The following NR5A2 variants were observed in gnomAD, a reference collection of about 807,000 sequenced individuals.
NR5A2 encodes the protein CYP7A promoter-binding factor.
NR5A2 carries 26 observed loss-of-function variants against 62.7 expected under a neutral mutation model. The ratio of observed to expected loss-of-function variants is 0.41; its 90% CI spans 0.30 to 0.58. NR5A2 has a LOEUF of 0.58. NR5A2 is among the 20% of genes least tolerant of loss of function. The pLI is 0.22. For missense variants in NR5A2, 541 were observed against 669.1 expected, an observed-to-expected ratio of 0.81 and a Z score of 2.11; for synonymous variants, 246 against 241.7, an observed-to-expected ratio of 1.02 and a Z score of -0.16.
At chr1:200,172,108 C>T (rs1043039691) in intron 7 of NR5A2, among the ~76,000 whole-genome samples, 1 of 152,030 alleles carries the variant, frequency 6.6e-6, no homozygotes, top group Non-Finnish European at 1.5e-5. Context: ...TTCACTGTAG[C>T]GTAAAATAAT....
At chr1:200,132,045 T>C (rs1295604092) in intron 7 of NR5A2, among the ~76,000 whole-genome samples, 2 of 152,150 alleles carry the variant, frequency 1.3e-5, no homozygotes, top group South Asian at 2.1e-4. Context: ...ATGGAGTCTC[T>C]CTCTCTCCAG....
At position 200,147,817 on chromosome 1, in the gene NR5A2, A is replaced by G; in HGVS notation, c.1379-26146A>G. The G allele has an allele frequency of 2.1e-6, 1 of 482,468 alleles. No individual in the cohort carries two copies. The highest frequency in any genetic ancestry group is 2.1e-5 in the South Asian group (1 of 48,678). 29.9% of individuals were successfully genotyped at this position (482,468 alleles called of 1,614,324 possible). A position where few individuals can be genotyped will look rare whatever the true frequency, so the allele number is the denominator to read the frequency against. On this transcript the variant is annotated intron_variant, in intron 7 of 7. Coordinates refer to ENST00000367362, the MANE Select transcript of NR5A2 (RefSeq NM_205860.3). The surrounding 1 kb of genome is among the most constrained non-coding windows in gnomAD (Gnocchi z 4.9). ...GGCAGCCGCCGTGGCGTCCAGCACC[A>G]GGTCCTGGCTGCAGCCATTGGTGAG... is the stretch of plus-strand genomic sequence containing the variant.
chr1:200,159,578 T>C (rs1653542315), intron 7 of NR5A2, among the ~76,000 whole-genome samples: 1 of 152,164 alleles, frequency 6.6e-6, no homozygotes, highest in African/African-American at 2.4e-5. Context: ...AACTGGTTAT[T>C]TTGTAGAGAT....
intron 5 of NR5A2, among the ~76,000 whole-genome samples, chr1:200,066,771 A>G (rs1009833353): frequency 2.0e-5 from 3 of 151,990 alleles, no homozygotes; most frequent in Middle Eastern, 3.2e-3. Context: ...TATTTTTAGT[A>G]GAGACAGGGT....
intron 7 of NR5A2, among the ~76,000 whole-genome samples, chr1:200,144,229 TCTCTCACACACACACA>T (rs1333843049): frequency 1.9e-4 from 24 of 127,086 alleles, no homozygotes; most frequent in African/African-American, 6.1e-4. Context: ...TCTCTCTCTC[TCTCTCACACACACACA>T]CACACACACA....
rs1661952237 is a variant in NR5A2 at position 200,039,515 on chromosome 1, C to G, written c.65-143C>G. 5 of 1,154,964 alleles carry G rather than the reference C, an allele frequency of 4.3e-6. No homozygotes were observed. In the East Asian group the frequency reaches 1.4e-4, roughly 32 times the overall value. The allele number at this position is 1,154,964 out of a possible 1,614,324, so 71.5% of individuals were successfully genotyped here. ...TGGGGGCGGCTCCGGAGCTGCGAGACCGGACAGGGCTCAGAGGTCCTGCCC... is the reference window on the plus strand; with the variant it reads ...TGGGGGCGGCTCCGGAGCTGCGAGAGCGGACAGGGCTCAGAGGTCCTGCCC... On this transcript the variant is annotated intron_variant, in intron 1 of 7. Transcript: ENST00000367362. This position sits in a 1 kb window ranked among gnomAD's most constrained non-coding sequence, Gnocchi z 5.1.
chr1:200,105,681 G>A (rs759189600), intron 5 of NR5A2, among the ~76,000 whole-genome samples: 4 of 152,080 alleles, frequency 2.6e-5, no homozygotes, highest in Non-Finnish European at 4.4e-5. Flanking sequence ...GCCAGGCTCC[G>A]GGGGTCATAC....
rs889526058 is a variant in NR5A2, at chr1:200,052,791, G to A, written c.1110+3973G>A. On this transcript the variant is annotated intron_variant, in intron 5 of 7. Transcript: ENST00000367362. ...TGAGTAGCTGGGACTACAGGTGCCTGCCACCACGCCGGCTAATTTTTTGTA... is the reference window on the plus strand; with the variant it reads ...TGAGTAGCTGGGACTACAGGTGCCTACCACCACGCCGGCTAATTTTTTGTA... 1.7e-4 allele frequency among the ~76,000 whole-genome samples: 25 copies of A among 150,686 alleles called. 1 individual carries two copies. Among genetic ancestry groups the A allele is most frequent in the South Asian group, 4.1e-4 (2 of 4,822 alleles).
At chr1:200,135,303 C>T (rs1407501043) in intron 7 of NR5A2, among the ~76,000 whole-genome samples, 1 of 152,126 alleles carries the variant, frequency 6.6e-6, no homozygotes, top group Non-Finnish European at 1.5e-5. Flanking sequence ...GGTGGATCAC[C>T]TGAGGTCGCG....
chr1:200,162,983 G>A (rs1475954702), intron 7 of NR5A2, among the ~76,000 whole-genome samples: 1 of 152,136 alleles, frequency 6.6e-6, no homozygotes, highest in Non-Finnish European at 1.5e-5. Context: ...ATATGCTGCA[G>A]TCTTCCACAT....
intron 7 of NR5A2, among the ~76,000 whole-genome samples, chr1:200,168,572 GTGTGCA>G (rs1654021878): frequency 1.3e-5 from 2 of 152,138 alleles, no homozygotes; most frequent in African/African-American, 2.4e-5. Context: ...GGGTTAGTGT[GTGTGCA>G]TGTGTGTGTG....
intron 2 of NR5A2, among the ~76,000 whole-genome samples, chr1:200,042,421 A>C (rs897994041): frequency 6.6e-6 from 1 of 152,234 alleles, no homozygotes; most frequent in African/African-American, 2.4e-5. Context: ...ACAAGTCATC[A>C]CTGCGGCGAT....
chr1:200,078,619 C>CT (rs1038119622), intron 5 of NR5A2, among the ~76,000 whole-genome samples: 5 of 152,086 alleles, frequency 3.3e-5, no homozygotes, highest in Non-Finnish European at 4.4e-5. Flanking sequence ...TACCCCTCTA[C>CT]TTTTTTTAGC....
rs1661920288 is a variant in NR5A2 at position 200,039,057 on chromosome 1, C to T, written c.65-601C>T. ...CGTCACCCTCGGGGCTGGGAAGGGCCGTTCTCGGTCCCGCGCGGGGAGTGG... is the reference window on the plus strand; with the variant it reads ...CGTCACCCTCGGGGCTGGGAAGGGCTGTTCTCGGTCCCGCGCGGGGAGTGG... On this transcript the variant is annotated intron_variant, in intron 1 of 7. Coordinates refer to ENST00000367362, the MANE Select transcript of NR5A2 (RefSeq NM_205860.3). This position sits in a 1 kb window ranked among gnomAD's most constrained non-coding sequence, Gnocchi z 5.1. Among the ~76,000 whole-genome samples, 1 of 152,020 alleles carries T rather than the reference C, an allele frequency of 6.6e-6. No individual in the cohort carries two copies. Among genetic ancestry groups the T allele is most frequent in the Non-Finnish European group, 1.5e-5 (1 of 67,986 alleles).
intron 5 of NR5A2, among the ~76,000 whole-genome samples, chr1:200,102,794 G>A (rs751185817): frequency 5.3e-5 from 8 of 152,172 alleles, no homozygotes; most frequent in Non-Finnish European, 1.0e-4. Flanking sequence ...ATCCATTAAT[G>A]CAGGTTAACA....
chr1:200,067,604 A>T (rs899334624), intron 5 of NR5A2, among the ~76,000 whole-genome samples: 1 of 151,874 alleles, frequency 6.6e-6, no homozygotes, highest in African/African-American at 2.4e-5. Flanking sequence ...ACACAAGGGA[A>T]CAACAGACAC....
intron 3 of NR5A2, 46 bp from the exon 4 acceptor site, chr1:200,045,397 G>C (rs550182594): frequency 6.7e-7 from 1 of 1,496,450 alleles, no homozygotes; most frequent in Non-Finnish European, 9.0e-7. Context: ...TGGAAAAGAC[G>C]GGTGTTAGAT....
intron 5 of NR5A2, among the ~76,000 whole-genome samples, chr1:200,068,871 G>A (rs1270272980): frequency 6.6e-6 from 1 of 152,116 alleles, no homozygotes; most frequent in Non-Finnish European, 1.5e-5. Context: ...TTAAAATTTG[G>A]TAAAATAGGA....
chr1:200,102,711 T>C (rs1237453894), intron 5 of NR5A2, among the ~76,000 whole-genome samples: 1 of 152,182 alleles, frequency 6.6e-6, no homozygotes, highest in Non-Finnish European at 1.5e-5. Context: ...AAGCTTATTT[T>C]GTACAATTTA....
Sources: gnomAD v4.1 joint callset for allele counts (sites outside exome capture counted in the v4.1 genomes callset) on GRCh38, gnomAD v4.1.1 for gene constraint, Gnocchi (gnomAD v3.1) non-coding constraint, MANE v1.5 for transcripts, NCBI Gene and HGNC (gene_info 2026-07-23, HGNC 2026-07-21) for gene names.